The following CNTNAP4 variants were observed in gnomAD, a reference collection of about 807,000 sequenced individuals.
CNTNAP4 encodes the protein contactin-associated protein-like 4.
A neutral mutation model predicts 148.4 loss-of-function variants in CNTNAP4; 98 were observed. That is an observed-to-expected ratio of 0.66 (90% CI 0.56 to 0.78). The LOEUF is 0.78. CNTNAP4 is among the 30% of genes least tolerant of loss of function. CNTNAP4 has a pLI of 0.00. For synonymous variants in CNTNAP4, 730 were observed against 565.1 expected (o/e 1.29, Z -4.14); for missense variants, 1,935 against 1,565.6 (o/e 1.24, Z -3.98).
At chr16:76,286,178 T>A (rs1440183114) in intron 1 of CNTNAP4, among the ~76,000 whole-genome samples, 7 of 108,880 alleles carry the variant, frequency 6.4e-5, no homozygotes, top group Admixed American at 5.5e-4. Flanking sequence ...ATTATCAGTG[T>A]GTGTGTGTGT....
intron 1 of CNTNAP4, among the ~76,000 whole-genome samples, chr16:76,315,199 A>G (rs940480908): frequency 9.2e-5 from 14 of 152,126 alleles, no homozygotes; most frequent in Admixed American, 2.6e-4. Context: ...ATTATGAGCA[A>G]CGTTGCTAGA....
chr16:76,315,922 G>C (rs1961689732), intron 1 of CNTNAP4, among the ~76,000 whole-genome samples: 1 of 151,992 alleles, frequency 6.6e-6, no homozygotes, highest in African/African-American at 2.4e-5. Flanking sequence ...CGTGCCTTGT[G>C]TTATTTTTGT....
In CNTNAP4 at chr16:76,448,188, G is replaced by A. The variant is rs376166823; in HGVS notation, c.715G>A (p.Ala239Thr). ...GDHITLQLRR[A>T]RLFLLINSGE... ...TCACATCACACTGCAATTAAGAAGA[G>A]CAAGACTCTTTTTACTTATTAATTC... is the stretch of plus-strand genomic sequence containing the variant. The change falls in exon 5 of 24, where the codon GCA becomes ACA. Residue 239 changes from alanine (A) to threonine (T), a missense_variant. By Grantham distance (58) the Ala-to-Thr change is moderately conservative. Coordinates refer to ENST00000611870, the MANE Select transcript of CNTNAP4 (RefSeq NM_033401.5). The A allele has an allele frequency of 6.2e-7, 1 of 1,612,700 alleles. No homozygotes were observed. The highest frequency in any genetic ancestry group is 8.5e-7 in the Non-Finnish European group (1 of 1,179,102).
intron 23 of CNTNAP4, among the ~76,000 whole-genome samples, chr16:76,554,971 A>G (rs2067811804): frequency 1.3e-5 from 2 of 151,826 alleles, no homozygotes; most frequent in South Asian, 2.1e-4. Flanking sequence ...ATTTATTCAT[A>G]TCATATATGA....
intron 7 of CNTNAP4, among the ~76,000 whole-genome samples, chr16:76,452,017 T>A (rs757976981): frequency 6.6e-6 from 1 of 151,846 alleles, no homozygotes; most frequent in Non-Finnish European, 1.5e-5. Context: ...ACAACTATTA[T>A]GTATCACTAA....
At chr16:76,336,671 T>C (rs969711336) in intron 2 of CNTNAP4, among the ~76,000 whole-genome samples, 1 of 152,232 alleles carries the variant, frequency 6.6e-6, no homozygotes, top group Admixed American at 6.5e-5. Flanking sequence ...ATATAAGTTC[T>C]TTAGCATAGC....
At chr16:76,341,999 G>A (rs1173101267) in intron 2 of CNTNAP4, among the ~76,000 whole-genome samples, 1 of 152,164 alleles carries the variant, frequency 6.6e-6, no homozygotes, top group Non-Finnish European at 1.5e-5. Flanking sequence ...TTGCTGATGA[G>A]TTTTCTCTCA....
intron 10 of CNTNAP4, among the ~76,000 whole-genome samples, chr16:76,472,169 G>A (rs1370108254): frequency 6.6e-6 from 1 of 151,936 alleles, no homozygotes; most frequent in Non-Finnish European, 1.5e-5. Context: ...GGAGTGAGTA[G>A]GGAGGAGAAA....
chr16:76,528,802 T>G (rs763030452), intron 17 of CNTNAP4, among the ~76,000 whole-genome samples: 6 of 152,170 alleles, frequency 3.9e-5, no homozygotes, highest in Non-Finnish European at 5.9e-5. Flanking sequence ...GGGCAGCAGT[T>G]ATATATGACA....
chr16:76,418,156 A>G (rs2079052495), intron 3 of CNTNAP4, among the ~76,000 whole-genome samples: 1 of 150,944 alleles, frequency 6.6e-6, no homozygotes. Flanking sequence ...TCTGTCATTA[A>G]TATTGAAAAG....
At chr16:76,343,201 A>G (rs942766314) in intron 2 of CNTNAP4, among the ~76,000 whole-genome samples, 29 of 152,080 alleles carry the variant, frequency 1.9e-4, no homozygotes, top group African/African-American at 7.0e-4. Context: ...CAGTGGATCA[A>G]TATACACTGG....
intron 1 of CNTNAP4, among the ~76,000 whole-genome samples, chr16:76,306,171 A>G (rs895698847): frequency 2.0e-5 from 3 of 152,188 alleles, no homozygotes; most frequent in African/African-American, 7.2e-5. Context: ...CTTTGCATGT[A>G]TACCCAGTAA....
At chr16:76,513,310 A>C (rs934010445) in intron 15 of CNTNAP4, among the ~76,000 whole-genome samples, 1 of 152,130 alleles carries the variant, frequency 6.6e-6, no homozygotes, top group Non-Finnish European at 1.5e-5. Context: ...GAGATGTATT[A>C]TTGGGGAGAG....
chr16:76,407,960 C>A (rs2144891584), intron 3 of CNTNAP4, among the ~76,000 whole-genome samples: 1 of 152,166 alleles, frequency 6.6e-6, no homozygotes, highest in South Asian at 2.1e-4. Context: ...CAACCTTCAG[C>A]AACCACCACC....
At chr16:76,446,075 T>C (rs1242028771) in intron 4 of CNTNAP4, among the ~76,000 whole-genome samples, 2 of 50,474 alleles carry the variant, frequency 4.0e-5, no homozygotes, top group African/African-American at 1.4e-4. Context: ...TATAAGCACA[T>C]TAGCAAAATG....
chr16:76,432,884 C>T (rs1217270073), intron 4 of CNTNAP4, among the ~76,000 whole-genome samples: 2 of 152,212 alleles, frequency 1.3e-5, no homozygotes, highest in African/African-American at 4.8e-5. Context: ...CTTTGGCTAG[C>T]CATGATTTTA....
intron 17 of CNTNAP4, among the ~76,000 whole-genome samples, chr16:76,524,553 G>A (rs8054609): frequency 0.18 from 27,614 of 152,072 alleles, 2,630 homozygotes; most frequent in Non-Finnish European, 0.22. Context: ...GTGTTGTGCC[G>A]TGTAGGAATC....
intron 3 of CNTNAP4, among the ~76,000 whole-genome samples, chr16:76,373,844 A>T (rs1246550827): frequency 1.3e-5 from 2 of 150,908 alleles, no homozygotes; most frequent in Admixed American, 6.6e-5. Flanking sequence ...GCAATGAGCC[A>T]AGATCACGCC....
intron 2 of CNTNAP4, among the ~76,000 whole-genome samples, chr16:76,332,137 T>G (rs2144258080): frequency 6.6e-6 from 1 of 152,368 alleles, no homozygotes; most frequent in African/African-American, 2.4e-5. Flanking sequence ...TTCTTTGTCT[T>G]TGACTTACAA....
Sources: allele counts gnomAD v4.1 joint callset (sites outside exome capture counted in the v4.1 genomes callset), GRCh38; gene constraint gnomAD v4.1.1; transcripts MANE v1.5; gene names NCBI Gene and HGNC (gene_info 2026-07-23, HGNC 2026-07-21).